Variants in SCPEP1 observed in about 807,000 individuals in gnomAD.
SCPEP1 encodes serine carboxypeptidase 1.
SCPEP1 carries 51 observed loss-of-function variants against 63.8 expected under a neutral mutation model. The ratio of observed to expected loss-of-function variants is 0.80; its 90% CI spans 0.64 to 1.01. SCPEP1 has a LOEUF of 1.01. Ranked by LOEUF, SCPEP1 falls within the 50% of genes least tolerant of loss-of-function variation. The probability of loss-of-function intolerance (pLI) is 0.00; values close to 1 mark genes in which losing one functional copy is unlikely to be tolerated. For missense variants in SCPEP1, 499 were observed against 554.9 expected (o/e 0.90, Z 1.01); for synonymous variants, 204 against 207.8 (o/e 0.98, Z 0.16).
At chr17:56,995,732 G>T (rs1911529645) in intron 8 of SCPEP1, 97 bp downstream of exon 8, 2 of 1,319,474 alleles carry the variant, frequency 1.5e-6, no homozygotes, top group African/African-American at 3.0e-5. Flanking sequence ...TCTACACTGA[G>T]GCTCCCCACA....
At chr17:56,983,604 G>A (rs944303235) in intron 2 of SCPEP1, 3 of 152,188 alleles carry the variant, frequency 2.0e-5, no homozygotes, top group Admixed American at 1.3e-4. Context: ...CCTTACTTCT[G>A]TTATTTTTAA....
intron 5 of SCPEP1, among the ~76,000 whole-genome samples, chr17:56,990,778 C>T (rs1040519924): frequency 1.3e-5 from 2 of 151,880 alleles, no homozygotes; most frequent in Non-Finnish European, 1.5e-5. Context: ...GGACTACAGA[C>T]GAGCACTACC....
intron 2 of SCPEP1, among the ~76,000 whole-genome samples, chr17:56,981,919 C>T (rs891031830): frequency 2.6e-5 from 4 of 152,188 alleles, no homozygotes; most frequent in African/African-American, 9.7e-5. Context: ...TTTCCTGAAC[C>T]CTAACTTCTT....
chr17:56,988,666 C>T (rs1911297452), intron 5 of SCPEP1, among the ~76,000 whole-genome samples: 1 of 151,626 alleles, frequency 6.6e-6, no homozygotes, highest in African/African-American at 2.4e-5. Context: ...ATCATTGGGG[C>T]ATGGATATAA....
intron 10 of SCPEP1, among the ~76,000 whole-genome samples, chr17:56,998,891 G>A (rs989185605): frequency 3.3e-5 from 5 of 151,980 alleles, no homozygotes; most frequent in South Asian, 2.1e-4. Flanking sequence ...GAGTTTGAGG[G>A]TACAGTGAGC....
intron 7 of SCPEP1, 135 bp downstream of exon 7, chr17:56,995,153 T>C: frequency 2.8e-6 from 2 of 725,308 alleles, no homozygotes; most frequent in South Asian, 3.8e-5. Context: ...GTCATCCACA[T>C]AGAGTTGGAG....
At chr17:56,978,390 T>C (rs1164500727) in intron 1 of SCPEP1, among the ~76,000 whole-genome samples, 155 bp downstream of exon 1, 1 of 152,132 alleles carries the variant, frequency 6.6e-6, no homozygotes, top group East Asian at 1.9e-4. Flanking sequence ...CTTTTTTTTT[T>C]TTTTCCTTAA....
At chr17:56,984,870 G>A (rs1202136668) in intron 2 of SCPEP1, 7 of 163,652 alleles carry the variant, frequency 4.3e-5, no homozygotes, top group South Asian at 3.0e-4. Flanking sequence ...AGGCTGAGGC[G>A]GGAGGATTGC....
In SCPEP1 at chr17:56,997,058, G is replaced by A; in HGVS notation, c.880+3G>A. ...AGAATTCACACAGAGCCACCTAGGTGAGTGAACCTTGAAGTTATTAAAGTC... is the reference window on the plus strand; with the variant it reads ...AGAATTCACACAGAGCCACCTAGGTAAGTGAACCTTGAAGTTATTAAAGTC... On this transcript the variant is annotated splice_donor_region_variant and intron_variant, in intron 9 of 12. Transcript: ENST00000262288. The A allele has an allele frequency of 6.4e-7, 1 of 1,567,794 alleles. No homozygotes were observed. The highest frequency in any genetic ancestry group is 8.7e-7 in the Non-Finnish European group (1 of 1,152,556).
chr17:56,989,629 A>T (rs1005715499), intron 5 of SCPEP1, among the ~76,000 whole-genome samples: 1 of 152,164 alleles, frequency 6.6e-6, no homozygotes, highest in Non-Finnish European at 1.5e-5. Flanking sequence ...TCTTTCCAAG[A>T]TGAAACCCTT....
At chr17:56,992,338 A>G (rs1341673751) in intron 6 of SCPEP1, among the ~76,000 whole-genome samples, 1 of 151,928 alleles carries the variant, frequency 6.6e-6, no homozygotes, top group Non-Finnish European at 1.5e-5. Context: ...CATGAAGAGG[A>G]GGGCTGCTAT....
chr17:56,993,328 T>A (rs1336224033), intron 6 of SCPEP1, among the ~76,000 whole-genome samples: 6 of 152,236 alleles, frequency 3.9e-5, no homozygotes, highest in Admixed American at 1.3e-4. Context: ...CTTCCATTAC[T>A]GTAGAAAGTT....
intron 12 of SCPEP1, among the ~76,000 whole-genome samples, chr17:57,002,873 T>TG (rs1911781161): frequency 1.3e-5 from 1 of 79,936 alleles, no homozygotes; most frequent in African/African-American, 5.1e-5. Flanking sequence ...AGACCCTGTC[T>TG]CAAAAAAAAA....
At chr17:56,978,303 T>G in intron 1 of SCPEP1, 68 bp downstream of exon 1, 1 of 1,471,520 alleles carries the variant, frequency 6.8e-7, no homozygotes. Context: ...AGTTTGTTAC[T>G]GGGTTTGTGC....
intron 2 of SCPEP1, 141 bp from the exon 3 acceptor site, chr17:56,985,237 G>C (rs551358690): frequency 1.5e-6 from 1 of 662,682 alleles, no homozygotes; most frequent in East Asian, 2.7e-5. Context: ...GGAAGTCCCT[G>C]GTTCACTAGA....
At chr17:56,982,200 G>A (rs1358649047) in intron 2 of SCPEP1, among the ~76,000 whole-genome samples, 4 of 152,128 alleles carry the variant, frequency 2.6e-5, no homozygotes, top group Admixed American at 2.6e-4. Flanking sequence ...CTTGCCTCTG[G>A]AAAATGTAGG....
At chr17:56,989,306 T>C (rs1473431124) in intron 5 of SCPEP1, among the ~76,000 whole-genome samples, 2 of 152,216 alleles carry the variant, frequency 1.3e-5, no homozygotes, top group Non-Finnish European at 2.9e-5. Flanking sequence ...CAGCTTTTAT[T>C]AGTAAGCCAA....
In SCPEP1 at chr17:56,993,182, G is replaced by A. The variant is rs1470541208; in HGVS notation, c.620-1799G>A. ...GACCATGTCAGTATGGTAACCACTTGCCACATGTGACTATATAAATTTAAT... is the reference window on the plus strand; with the variant it reads ...GACCATGTCAGTATGGTAACCACTTACCACATGTGACTATATAAATTTAAT... On this transcript the variant is annotated intron_variant, in intron 6 of 12. Transcript: ENST00000262288. Among the ~76,000 whole-genome samples the A allele has an allele frequency of 2.0e-5, 3 of 152,138 alleles. 1 individual carries two copies. The highest frequency in any genetic ancestry group is 4.4e-5 in the Non-Finnish European group (3 of 68,040).
chr17:56,989,906 C>T lies in SCPEP1; in HGVS notation c.547-1193C>T, dbSNP rs191384657. On this transcript the variant is annotated intron_variant, in intron 5 of 12. Coordinates refer to ENST00000262288, the MANE Select transcript of SCPEP1 (RefSeq NM_021626.3). ...AGGTTGCAGTGAGCTGAGATTGCGC[C>T]TCTAGTCTGGGTGACAGAGCGAGAC... Among the ~76,000 whole-genome samples, 493 of 151,872 alleles carry T rather than the reference C, an allele frequency of 3.2e-3. 1 individual carries two copies. Among genetic ancestry groups the T allele is most frequent in the Non-Finnish European group, 5.4e-3 (364 of 67,922 alleles).
Sources: gnomAD v4.1 joint callset for allele counts (sites outside exome capture counted in the v4.1 genomes callset) on GRCh38, gnomAD v4.1.1 for gene constraint, MANE v1.5 for transcripts, NCBI Gene and HGNC (gene_info 2026-07-23, HGNC 2026-07-21) for gene names.